CNTN5: variants seen among roughly 807,000 people sequenced by gnomAD.
CNTN5 encodes contactin-5.
CNTN5 carries 77 observed loss-of-function variants against 129.1 expected under a neutral mutation model. The observed-to-expected ratio is 0.60, with a 90% CI of 0.50 to 0.72. CNTN5 has a LOEUF of 0.72. CNTN5 is among the 30% of genes least tolerant of loss of function. The pLI is 0.00. For synonymous variants in CNTN5, 509 were observed against 465.6 expected, an observed-to-expected ratio of 1.09 and a Z score of -1.20; for missense variants, 1,478 against 1,328.8, an observed-to-expected ratio of 1.11 and a Z score of -1.75.
In CNTN5 at chr11:99,294,786, G is replaced by A. The variant is rs187813096; in HGVS notation, c.-209-30560G>A. 2.6e-5 allele frequency among the ~76,000 whole-genome samples: 4 copies of A among 152,302 alleles called. No individual in the cohort carries two copies. The East Asian group carries it at 5.8e-4, about 22-fold the overall frequency. Reference sequence around the variant, plus strand: ...ACACCACTGTCGACGACGTTCAGTAGTTTCTCTTGGGCAGTTTTCAGCTAT... The same window carrying A: ...ACACCACTGTCGACGACGTTCAGTAATTTCTCTTGGGCAGTTTTCAGCTAT... On this transcript the variant is annotated intron_variant, in intron 1 of 24. Coordinates refer to ENST00000524871, the MANE Select transcript of CNTN5 (RefSeq NM_014361.4).
chr11:99,334,010 C>G (rs1259585286), intron 2 of CNTN5, among the ~76,000 whole-genome samples: 1 of 151,002 alleles, frequency 6.6e-6, no homozygotes, highest in African/African-American at 2.4e-5. Flanking sequence ...TGCATTGTAT[C>G]CTTTTATTAA....
intron 2 of CNTN5, among the ~76,000 whole-genome samples, chr11:99,536,737 T>C (rs1322903256): frequency 6.6e-6 from 1 of 151,866 alleles, no homozygotes; most frequent in Non-Finnish European, 1.5e-5. Flanking sequence ...GAAAATATTA[T>C]TACTAACTCT....
chr11:99,457,680 G>T (rs968035745), intron 2 of CNTN5, among the ~76,000 whole-genome samples: 2 of 151,544 alleles, frequency 1.3e-5, no homozygotes, highest in Non-Finnish European at 3.0e-5. Flanking sequence ...TTTAAATAGC[G>T]TTAAGATGTA....
intron 3 of CNTN5, among the ~76,000 whole-genome samples, chr11:99,724,920 C>A (rs189183937): frequency 1.3e-5 from 2 of 152,222 alleles, no homozygotes; most frequent in South Asian, 2.1e-4. Context: ...TGTATGATAT[C>A]AAAACAGAAT....
chr11:100,062,773 GT>G (rs1436371768), intron 10 of CNTN5, among the ~76,000 whole-genome samples: 1 of 152,122 alleles, frequency 6.6e-6, no homozygotes, highest in African/African-American at 2.4e-5. Context: ...TGGTTTGATT[GT>G]TTTTAGGCCA....
chr11:100,241,082 G>A (rs1715589358), intron 16 of CNTN5, among the ~76,000 whole-genome samples: 1 of 152,088 alleles, frequency 6.6e-6, no homozygotes, highest in Admixed American at 6.5e-5. Flanking sequence ...CACCTCATAT[G>A]GTATTTTCCT....
intron 1 of CNTN5, among the ~76,000 whole-genome samples, chr11:99,199,510 G>T (rs1313999628): frequency 1.3e-5 from 2 of 152,192 alleles, no homozygotes; most frequent in African/African-American, 4.8e-5. Context: ...CGTCCTGTGG[G>T]TTAGCTGGAA....
At chr11:99,888,371 A>G (rs1948955629) in intron 6 of CNTN5, among the ~76,000 whole-genome samples, 1 of 152,104 alleles carries the variant, frequency 6.6e-6, no homozygotes, top group African/African-American at 2.4e-5. Context: ...TTTCTTTGCA[A>G]TTAATACTAC....
intron 13 of CNTN5, among the ~76,000 whole-genome samples, chr11:100,161,891 C>CA (rs1161139594): frequency 1.5e-3 from 199 of 131,792 alleles, no homozygotes; most frequent in African/African-American, 5.8e-3. Flanking sequence ...AAACAAAAAA[C>CA]AAAAAACACA....
intron 4 of CNTN5, among the ~76,000 whole-genome samples, chr11:99,830,620 A>G (rs1947109488): frequency 6.6e-6 from 1 of 152,154 alleles, no homozygotes; most frequent in Non-Finnish European, 1.5e-5. Flanking sequence ...TGGATGACAC[A>G]CTTCTAAATA....
At chr11:99,914,128 T>A (rs754136691) in intron 6 of CNTN5, among the ~76,000 whole-genome samples, 1 of 152,040 alleles carries the variant, frequency 6.6e-6, no homozygotes, top group Non-Finnish European at 1.5e-5. Context: ...TCCCAGCTAC[T>A]CGGGAGGCTG....
chr11:99,319,340 C>T (rs893109461), intron 1 of CNTN5, among the ~76,000 whole-genome samples: 1 of 152,192 alleles, frequency 6.6e-6, no homozygotes, highest in African/African-American at 2.4e-5. Flanking sequence ...CAATGATAGT[C>T]GCCCATTGGT....
intron 3 of CNTN5, among the ~76,000 whole-genome samples, chr11:99,770,125 A>G (rs1021959597): frequency 5.3e-5 from 8 of 152,226 alleles, no homozygotes; most frequent in African/African-American, 1.9e-4. Flanking sequence ...AATTTACTTG[A>G]ATTTGTTCTT....
At chr11:99,824,514 G>C (rs912037015) in intron 4 of CNTN5, among the ~76,000 whole-genome samples, 53 of 151,994 alleles carry the variant, frequency 3.5e-4, no homozygotes, top group African/African-American at 1.3e-3. Context: ...TAAATGCATT[G>C]CGGATATATT....
chr11:99,916,199 G>A, intron 7 of CNTN5, 50 bp downstream of exon 7: 1 of 1,435,792 alleles, frequency 7.0e-7, no homozygotes, highest in East Asian at 2.3e-5. Flanking sequence ...CTTTTGCTAT[G>A]TGTTCATTCT....
intron 3 of CNTN5, among the ~76,000 whole-genome samples, chr11:99,797,723 G>T (rs1224437911): frequency 5.3e-5 from 8 of 151,970 alleles, no homozygotes; most frequent in Non-Finnish European, 1.5e-5. Flanking sequence ...CTCCCGTTCT[G>T]CAGGTTGTTT....
intron 13 of CNTN5, among the ~76,000 whole-genome samples, chr11:100,104,116 G>A (rs1171264013): frequency 3.4e-5 from 5 of 144,968 alleles, no homozygotes; most frequent in Non-Finnish European, 7.5e-5. Context: ...TTTTTTTGAG[G>A]CAGAGTCTTT....
At chr11:99,519,127 C>T (rs1051558582) in intron 2 of CNTN5, among the ~76,000 whole-genome samples, 9 of 152,002 alleles carry the variant, frequency 5.9e-5, no homozygotes, top group African/African-American at 2.2e-4. Flanking sequence ...TCAAACTCGT[C>T]TTTTTTTCTT....
chr11:99,029,148 AG>A (rs1415110114), intron 1 of CNTN5, among the ~76,000 whole-genome samples: 4 of 151,860 alleles, frequency 2.6e-5, no homozygotes, highest in African/African-American at 9.7e-5. Context: ...AAATCATTAA[AG>A]GTTTGAGTCT....
Sources: gnomAD v4.1 joint callset for allele counts (sites outside exome capture counted in the v4.1 genomes callset) on GRCh38, gnomAD v4.1.1 for gene constraint, MANE v1.5 for transcripts, NCBI Gene and HGNC (gene_info 2026-07-23, HGNC 2026-07-21) for gene names.